Variants in SSH2 observed in about 807,000 individuals in gnomAD.
SSH2 encodes protein phosphatase Slingshot homolog 2.
A neutral mutation model predicts 135.2 loss-of-function variants in SSH2; 37 were observed. That is an observed-to-expected ratio of 0.27 (90% CI 0.21 to 0.36). The LOEUF (loss-of-function observed/expected upper bound fraction) is 0.36. SSH2 is among the 10% of genes least tolerant of loss of function. The pLI is 1.00. For missense variants in SSH2, 1,408 were observed against 1,765.3 expected, an observed-to-expected ratio of 0.80 and a Z score of 3.63; for synonymous variants, 628 against 646.2, an observed-to-expected ratio of 0.97 and a Z score of 0.43.
intron 14 of SSH2, chr17:29,639,881 T>G (rs1029476771): frequency 6.6e-6 from 1 of 152,078 alleles, no homozygotes; most frequent in Non-Finnish European, 1.5e-5. Flanking sequence ...ATGAGTGTAT[T>G]CCCCAATTTC....
chr17:29,773,040 TCCATCCATCCATCCATCCATCATCCAC>T (rs1255264325), intron 3 of SSH2, among the ~76,000 whole-genome samples: 5 of 151,154 alleles, frequency 3.3e-5, no homozygotes, highest in African/African-American at 1.2e-4. Flanking sequence ...CATCCATCCA[TCCATCCATCCATCCATCCATCATCCAC>T]CCATCCATCC....
chr17:29,765,116 C>G (rs1200041515), intron 3 of SSH2, among the ~76,000 whole-genome samples: 1 of 152,120 alleles, frequency 6.6e-6, no homozygotes, highest in African/African-American at 2.4e-5. Context: ...AATGGGGTAG[C>G]AAAACCCTAA....
intron 3 of SSH2, among the ~76,000 whole-genome samples, chr17:29,778,133 G>C (rs1197896242): frequency 1.3e-5 from 2 of 151,962 alleles, no homozygotes; most frequent in South Asian, 2.1e-4. Context: ...TAAATGTTTT[G>C]CATGGTGGAA....
intron 1 of SSH2, among the ~76,000 whole-genome samples, chr17:29,891,492 G>A (rs894367726): frequency 2.6e-5 from 4 of 151,276 alleles, no homozygotes; most frequent in African/African-American, 7.3e-5. Context: ...TTATTGAAAC[G>A]AAAGTACACT....
chr17:29,734,472 C>G (rs1291163512), intron 3 of SSH2, among the ~76,000 whole-genome samples: 1 of 152,146 alleles, frequency 6.6e-6, no homozygotes, highest in East Asian at 1.9e-4. Flanking sequence ...AGTGCACAAA[C>G]AGTTAAACAG....
chr17:29,783,474 G>A (rs1460171245), intron 3 of SSH2, among the ~76,000 whole-genome samples: 1 of 151,936 alleles, frequency 6.6e-6, no homozygotes, highest in African/African-American at 2.4e-5. Context: ...CAATGTTTGA[G>A]GGCAGGACGC....
chr17:29,773,019 GTCCATCCATCCATCCA>G (rs35452901), intron 3 of SSH2, among the ~76,000 whole-genome samples: 5 of 146,886 alleles, frequency 3.4e-5, no homozygotes, highest in Non-Finnish European at 6.0e-5. Context: ...TTCCCCATCT[GTCCATCCATCCATCCA>G]TCCATCCATC....
intron 2 of SSH2, among the ~76,000 whole-genome samples, chr17:29,841,890 TAA>T (rs2043046709): frequency 8.0e-6 from 1 of 124,698 alleles, no homozygotes; most frequent in Non-Finnish European, 1.7e-5. Context: ...CCCCCTTGGC[TAA>T]TTTTTTTTTT....
At chr17:29,751,436 C>A (rs2040937845) in intron 3 of SSH2, among the ~76,000 whole-genome samples, 1 of 151,428 alleles carries the variant, frequency 6.6e-6, no homozygotes, top group African/African-American at 2.4e-5. Flanking sequence ...GAAAAAAAAA[C>A]AAAGAAAGAG....
chr17:29,848,717 C>A, intron 2 of SSH2, 132 bp downstream of exon 2: 1 of 544,188 alleles, frequency 1.8e-6, no homozygotes, highest in East Asian at 3.0e-5. Flanking sequence ...TTTGCCTTCC[C>A]AGACATTTGG....
At chr17:29,860,692 A>G (rs1005681820) in intron 1 of SSH2, among the ~76,000 whole-genome samples, 7 of 151,524 alleles carry the variant, frequency 4.6e-5, no homozygotes, top group African/African-American at 1.7e-4. Flanking sequence ...TCGGCCTCCC[A>G]AAGTGCTGGG....
intron 3 of SSH2, among the ~76,000 whole-genome samples, chr17:29,724,702 G>T (rs1396613762): frequency 7.0e-6 from 1 of 143,236 alleles, no homozygotes; most frequent in Non-Finnish European, 1.5e-5. Flanking sequence ...CAATTCTCCT[G>T]CCTCTGCCTC....
At chr17:29,828,296 T>C (rs2042781041) in intron 2 of SSH2, among the ~76,000 whole-genome samples, 1 of 152,228 alleles carries the variant, frequency 6.6e-6, no homozygotes, top group South Asian at 2.1e-4. Flanking sequence ...CTCTTTTATC[T>C]TCTTAAGCTA....
At chr17:29,821,717 T>C (rs2042654486) in intron 2 of SSH2, among the ~76,000 whole-genome samples, 1 of 151,650 alleles carries the variant, frequency 6.6e-6, no homozygotes, top group East Asian at 1.9e-4. Context: ...CGATCTCGGC[T>C]CACTGCAACC....
intron 11 of SSH2, 40 bp downstream of exon 11, chr17:29,666,827 C>T (rs367845391): frequency 6.2e-7 from 1 of 1,605,392 alleles, no homozygotes; most frequent in East Asian, 2.2e-5. Context: ...TCCATATGGG[C>T]TAGCGTTAGC....
chr17:29,702,510 C>T (rs2039026442), intron 4 of SSH2, among the ~76,000 whole-genome samples: 1 of 151,406 alleles, frequency 6.6e-6, no homozygotes. Context: ...CAAAAATGAG[C>T]TGGGCGTGGT....
At chr17:29,878,949 C>T (rs2066085998) in intron 1 of SSH2, among the ~76,000 whole-genome samples, 1 of 152,128 alleles carries the variant, frequency 6.6e-6, no homozygotes, top group African/African-American at 2.4e-5. Flanking sequence ...AAGTCAATCA[C>T]AGGAAAACTT....
chr17:29,678,086 T>C (rs1049548290), intron 6 of SSH2, among the ~76,000 whole-genome samples: 6 of 139,784 alleles, frequency 4.3e-5, no homozygotes, highest in African/African-American at 1.6e-4. Flanking sequence ...CCACCTCGAC[T>C]CCAAGGATTT....
chr17:29,794,347 A>G (rs2042122138), intron 2 of SSH2, among the ~76,000 whole-genome samples: 1 of 152,168 alleles, frequency 6.6e-6, no homozygotes, highest in East Asian at 1.9e-4. Flanking sequence ...AACAATGAAC[A>G]CCACTTAAAA....
Sources: allele counts gnomAD v4.1 joint callset (sites outside exome capture counted in the v4.1 genomes callset), GRCh38; gene constraint gnomAD v4.1.1; transcripts MANE v1.5; gene names NCBI Gene and HGNC (gene_info 2026-07-23, HGNC 2026-07-21).